The following TIPARP variants were observed in gnomAD, a reference collection of about 807,000 sequenced individuals.
TIPARP encodes the protein TCDD inducible poly(ADP-ribose) polymerase, also known as protein mono-ADP-ribosyltransferase TIPARP.
Under a neutral mutation model 56.5 loss-of-function variants are expected in TIPARP, and 12 were observed. The ratio of observed to expected loss-of-function variants is 0.21; its 90% CI spans 0.14 to 0.34. TIPARP has a LOEUF of 0.34. TIPARP is among the 10% of genes least tolerant of loss of function. The pLI, the probability that TIPARP is intolerant of heterozygous loss-of-function variation, is 1.00. For missense variants in TIPARP, 604 were observed against 781.6 expected (o/e 0.77, Z 2.71); for synonymous variants, 296 against 265.7 (o/e 1.11, Z -1.11).
In TIPARP at chr3:156,678,525, A is replaced by G. The variant is rs773288024; in HGVS notation, c.828A>G (p.Gln276=). ...GGCAGATCAAAAGGACAACTACTCA[A>G]AAGTGGCAGAGTGTATTCAATGATT... The part of the protein sequence containing the change: ...YHWQIKRTTT[Q]KWQSVFNDSQ... The change falls in exon 2 of 6, where the codon CAA becomes CAG. Residue 276 remains glutamine, a synonymous_variant. Coordinates refer to ENST00000295924, the MANE Select transcript of TIPARP (RefSeq NM_015508.5). The G allele has an allele frequency of 6.8e-6, 11 of 1,614,130 alleles. No homozygotes were observed. In the East Asian group the frequency reaches 1.6e-4, roughly 23 times the overall value.
At chr3:156,699,553 G>T (rs571488384) in intron 4 of TIPARP, among the ~76,000 whole-genome samples, 1 of 152,190 alleles carries the variant, frequency 6.6e-6, no homozygotes, top group African/African-American at 2.4e-5. Context: ...AAGAATGAAT[G>T]CTATTATGTA....
intron 4 of TIPARP, among the ~76,000 whole-genome samples, chr3:156,698,776 A>G (rs1722779964): frequency 6.6e-6 from 1 of 152,164 alleles, no homozygotes; most frequent in African/African-American, 2.4e-5. Flanking sequence ...TTAACAGTAT[A>G]TTTTGTAAGG....
At chr3:156,674,903 C>A in intron 1 of TIPARP, 107 bp downstream of exon 1, 1 of 153,000 alleles carries the variant, frequency 6.5e-6, no homozygotes, top group South Asian at 2.0e-4. Flanking sequence ...CGGCAGTGTG[C>A]GGGGCTCTCG....
rs560312566 is a variant in TIPARP at position 156,684,074 on chromosome 3, AT to A, written c.917+5466del. Among the ~76,000 whole-genome samples, 626 of 152,264 alleles carry A rather than the reference AT, an allele frequency of 4.1e-3. 3 individuals carry two copies. Among genetic ancestry groups the A allele is most frequent in the Non-Finnish European group, 5.1e-3 (345 of 68,018 alleles). Reference sequence around the variant, plus strand: ...GGAAAACTTAGTACATGTGTATATCATTTTTTGCAAAGGAAAAAACATATTT... The same window carrying A: ...GGAAAACTTAGTACATGTGTATATCATTTTTGCAAAGGAAAAAACATATTT... On this transcript the variant is annotated intron_variant, in intron 2 of 5. Transcript: ENST00000295924.
chr3:156,703,779 C>T (rs927993589), intron 5 of TIPARP, 77 bp downstream of exon 5: 17 of 1,453,742 alleles, frequency 1.2e-5, no homozygotes, highest in Middle Eastern at 2.5e-4. Context: ...TTTGGGAGGC[C>T]GAGGCGGGCA....
intron 4 of TIPARP, among the ~76,000 whole-genome samples, chr3:156,702,034 T>G: frequency 1.1e-5 from 1 of 92,874 alleles, no homozygotes; most frequent in African/African-American, 4.5e-5. Flanking sequence ...GTGGTGGTGG[T>G]GGTGGTGGTG....
rs565705653 is a variant in TIPARP at position 156,705,872 on chromosome 3, C to T, written c.*741C>T. ...AAACTTCAGCTTTGGAAAACTCAGT[C>T]TCTTTCATTATCATCCATTCCAATT... On this transcript the variant is annotated 3_prime_UTR_variant, in exon 6 of 6. Coordinates refer to ENST00000295924, the MANE Select transcript of TIPARP (RefSeq NM_015508.5). 4.6e-5 allele frequency: 7 copies of T among 152,762 alleles called. No homozygotes were observed. Among genetic ancestry groups the T allele is most frequent in the African/African-American group, 1.4e-4 (6 of 41,574 alleles). 9.5% of individuals were successfully genotyped at this position (152,762 alleles called of 1,614,324 possible). A position where few individuals can be genotyped will look rare whatever the true frequency, so the allele number is the denominator to read the frequency against.
intron 2 of TIPARP, among the ~76,000 whole-genome samples, chr3:156,688,493 C>CG (rs1722487440): frequency 1.5e-5 from 2 of 130,234 alleles, no homozygotes; most frequent in Admixed American, 1.5e-4. Context: ...CCCCCCCCCG[C>CG]AATAAGTAGC....
chr3:156,689,602 A>G (rs1254581353), intron 2 of TIPARP, among the ~76,000 whole-genome samples: 4 of 152,362 alleles, frequency 2.6e-5, no homozygotes, highest in East Asian at 3.9e-4. Flanking sequence ...TACTGCCCAT[A>G]GAATCAAGAC....
In TIPARP at chr3:156,691,733, A is replaced by G. The variant is rs139635513; in HGVS notation, c.918-2287A>G. On this transcript the variant is annotated intron_variant, in intron 2 of 5. Coordinates refer to ENST00000295924, the MANE Select transcript of TIPARP (RefSeq NM_015508.5). ...GAGAGCAGGTGGTAAAATTAATCTT[A>G]CAAAAAGATAATTTAATGTTTTTCA... Among the ~76,000 whole-genome samples the G allele has an allele frequency of 8.1e-3, 1,235 of 152,302 alleles. 7 individuals carry two copies. Among genetic ancestry groups the G allele is most frequent in the Non-Finnish European group, 9.4e-3 (640 of 68,000 alleles).
intron 4 of TIPARP, 51 bp from the exon 5 acceptor site, chr3:156,703,373 T>C: frequency 6.4e-7 from 1 of 1,564,990 alleles, no homozygotes; most frequent in Non-Finnish European, 8.7e-7. Context: ...TAATGTGAGG[T>C]GTACTTATTT....
Position 156,681,691 on chromosome 3 carries a change from A to G in TIPARP, c.917+3077A>G, listed in dbSNP as rs1233750468. Among the ~76,000 whole-genome samples the G allele has an allele frequency of 2.0e-5, 3 of 152,352 alleles. No homozygotes were observed. In the East Asian group the frequency reaches 5.8e-4, roughly 29 times the overall value. On this transcript the variant is annotated intron_variant, in intron 2 of 5. Transcript: ENST00000295924. ...TTAGATACTAAAAGCACATTAAAAA[A>G]GGATTTCAATAATACATGCTTATTT...
chr3:156,685,893 C>G (rs1350157754), intron 2 of TIPARP, among the ~76,000 whole-genome samples: 2 of 152,180 alleles, frequency 1.3e-5, no homozygotes, highest in Non-Finnish European at 2.9e-5. Flanking sequence ...TTCACAGTTC[C>G]TGCAGCTGAT....
Position 156,703,548 on chromosome 3 carries a change from C to G in TIPARP, c.1372C>G (p.Pro458Ala). 6.2e-7 allele frequency: 1 copy of G among 1,614,200 alleles called. No homozygotes were observed. The part of the protein sequence containing the change: ...FYPETWVYMH[P>A]SQDFIQVPVS... ...CCCTGAAACTTGGGTTTATATGCAT[C>G]CATCTCAGGACTTCATCCAAGTCCC... The change falls in exon 5 of 6, where the codon CCA (proline) becomes GCA (alanine). Residue 458 changes from proline (P) to alanine (A), a missense_variant. By Grantham distance (27) the Pro-to-Ala change is conservative. Around this residue, in one of 4 missense-constraint regions of TIPARP, gnomAD observed 252 missense variants for 303.9 expected, o/e 0.83. Transcript: ENST00000295924.
chr3:156,698,405 G>T (rs1722771001), intron 4 of TIPARP, among the ~76,000 whole-genome samples: 1 of 152,174 alleles, frequency 6.6e-6, no homozygotes, highest in African/African-American at 2.4e-5. Flanking sequence ...AGAAGTTGAT[G>T]CTTGGCTTTA....
chr3:156,692,164 G>C (rs1042433229), intron 2 of TIPARP, among the ~76,000 whole-genome samples: 9 of 152,078 alleles, frequency 5.9e-5, no homozygotes, highest in Non-Finnish European at 1.0e-4. Flanking sequence ...GTTGCTGGGC[G>C]ATAAGCTTAA....
intron 2 of TIPARP, among the ~76,000 whole-genome samples, chr3:156,688,753 G>T (rs1364166016): frequency 6.6e-6 from 1 of 152,112 alleles, no homozygotes; most frequent in Non-Finnish European, 1.5e-5. Flanking sequence ...AAATATCAAA[G>T]CCAGGTATCA....
chr3:156,704,858 GA>G lies in TIPARP; in HGVS notation c.1703del (p.Lys568ArgfsTer25). The stretch of plus-strand genomic sequence containing the variant: ...TTGGACAAGGCAGTTATTTTGCAAA[GA>G]AGGCAAGCTACTCTCATAACTTTTC... The part of the protein sequence containing the change: ...MFGQGSYFAK[K>X]ASYSHNFSKK... On this transcript the variant is annotated frameshift_variant, in exon 6 of 6. Coordinates refer to ENST00000295924, the MANE Select transcript of TIPARP (RefSeq NM_015508.5). LOFTEE classifies it high-confidence loss of function. 1 of 1,614,202 alleles carries G rather than the reference GA, an allele frequency of 6.2e-7. No individual in the cohort carries two copies. The highest frequency in any genetic ancestry group is 8.5e-7 in the Non-Finnish European group (1 of 1,180,022).
intron 4 of TIPARP, among the ~76,000 whole-genome samples, chr3:156,701,003 C>G (rs1722831761): frequency 6.6e-6 from 1 of 152,228 alleles, no homozygotes; most frequent in African/African-American, 2.4e-5. Context: ...ACATTTGTAA[C>G]TGCGCTTGAA....
Sources: allele counts gnomAD v4.1 joint callset (sites outside exome capture counted in the v4.1 genomes callset), GRCh38; gene constraint gnomAD v4.1.1; regional missense constraint gnomAD v4.1.1; transcripts MANE v1.5; gene names NCBI Gene and HGNC (gene_info 2026-07-23, HGNC 2026-07-21).